RBFOX1: variants seen among roughly 807,000 people sequenced by gnomAD.
RBFOX1 encodes RNA binding fox-1 homolog 1, also known as RNA binding protein fox-1 homolog 1.
In RBFOX1, 8 loss-of-function variants were observed where a neutral mutation model predicts 57.7. That is an observed-to-expected ratio of 0.14 (90% CI 0.08 to 0.25). RBFOX1 has a LOEUF of 0.25. Among genes scored for constraint, RBFOX1 ranks in the 10% least tolerant of loss-of-function variants. The pLI, the probability that RBFOX1 is intolerant of heterozygous loss-of-function variation, is 1.00. For missense variants in RBFOX1, 611 were observed against 548.5 expected (o/e 1.11, Z -1.14); for synonymous variants, 326 against 222.4 (o/e 1.47, Z -4.15).
At chr16:5,883,555 G>A (rs1597627934) in intron 4 of RBFOX1, among the ~76,000 whole-genome samples, 1 of 152,008 alleles carries the variant, frequency 6.6e-6, no homozygotes, top group South Asian at 2.1e-4. Context: ...TGCTCTAATT[G>A]TTTTGAGTGA....
chr16:7,482,829 C>T (rs1243594349), intron 4 of RBFOX1, among the ~76,000 whole-genome samples: 1 of 152,040 alleles, frequency 6.6e-6, no homozygotes, highest in Non-Finnish European at 1.5e-5. Flanking sequence ...ATGTTCTGTC[C>T]CCAAATCCTG....
intron 2 of RBFOX1, among the ~76,000 whole-genome samples, chr16:6,347,059 T>C (rs1252809824): frequency 6.6e-6 from 1 of 152,170 alleles, no homozygotes; most frequent in Non-Finnish European, 1.5e-5. Flanking sequence ...AAGGCAAGGA[T>C]ATTGGGCTGA....
chr16:7,095,108 CT>C (rs1486257061), intron 4 of RBFOX1, among the ~76,000 whole-genome samples: 1 of 151,932 alleles, frequency 6.6e-6, no homozygotes, highest in Non-Finnish European at 1.5e-5. Flanking sequence ...TTCTTTCTTT[CT>C]TTCTTTTTTC....
At chr16:6,651,912 C>T (rs555755319) in intron 2 of RBFOX1, among the ~76,000 whole-genome samples, 1 of 152,138 alleles carries the variant, frequency 6.6e-6, no homozygotes, top group African/African-American at 2.4e-5. Context: ...CTAACACATG[C>T]TACCACATGG....
Position 6,780,842 on chromosome 16 carries a change from G to C in RBFOX1, c.-16+126192G>C, listed in dbSNP as rs571425380. ...TGCTCATTTTTATTTGGATTATTTG[G>C]GTTGGGGTTTTGTACCAAGTTGTTT... On this transcript the variant is annotated intron_variant, in intron 3 of 15. Coordinates refer to ENST00000550418, the MANE Select transcript of RBFOX1 (RefSeq NM_018723.4). Among the ~76,000 whole-genome samples, 4 of 151,834 alleles carry C rather than the reference G, an allele frequency of 2.6e-5. No homozygotes were observed. In the South Asian group the frequency reaches 8.3e-4, roughly 32 times the overall value.
At chr16:5,786,237 C>G (rs942164775) in intron 3 of RBFOX1, among the ~76,000 whole-genome samples, 5 of 152,188 alleles carry the variant, frequency 3.3e-5, no homozygotes, top group Non-Finnish European at 7.3e-5. Context: ...GACTTCTCTA[C>G]TCCTTCCTCT....
chr16:5,382,223 C>G (rs1007480973), intron 1 of RBFOX1, among the ~76,000 whole-genome samples: 1 of 152,196 alleles, frequency 6.6e-6, no homozygotes, highest in Non-Finnish European at 1.5e-5. Context: ...AACATTGTCT[C>G]TAATGCTGTG....
At chr16:7,240,538 T>TTTTG (rs572945669) in intron 4 of RBFOX1, among the ~76,000 whole-genome samples, 3 of 152,134 alleles carry the variant, frequency 2.0e-5, no homozygotes, top group South Asian at 2.1e-4. Context: ...TCGTGGTGTT[T>TTTTG]TTTGTTTGTT....
At chr16:7,216,221 T>C (rs1567744553) in intron 4 of RBFOX1, among the ~76,000 whole-genome samples, 1 of 152,218 alleles carries the variant, frequency 6.6e-6, no homozygotes, top group Non-Finnish European at 1.5e-5. Flanking sequence ...TTGGCTATTG[T>C]GAATCATGCC....
chr16:7,124,911 C>G (rs2068104730), intron 4 of RBFOX1, among the ~76,000 whole-genome samples: 1 of 152,166 alleles, frequency 6.6e-6, no homozygotes, highest in East Asian at 1.9e-4. Flanking sequence ...GCGTTATGAG[C>G]TAATTAAAAT....
chr16:6,773,906 C>T (rs1372188717), intron 3 of RBFOX1: 2 of 968,704 alleles, frequency 2.1e-6, no homozygotes, highest in Admixed American at 6.2e-5. Flanking sequence ...GCATGGAGTG[C>T]ATTTGCGTTG....
intron 10 of RBFOX1, among the ~76,000 whole-genome samples, chr16:7,624,903 G>A (rs1383068159): frequency 6.6e-6 from 1 of 152,326 alleles, no homozygotes; most frequent in South Asian, 2.1e-4. Context: ...GTGAACACAC[G>A]TGGAGTGGTT....
chr16:6,836,463 G>C (rs1300501913), intron 3 of RBFOX1, among the ~76,000 whole-genome samples: 5 of 152,180 alleles, frequency 3.3e-5, no homozygotes, highest in African/African-American at 1.2e-4. Flanking sequence ...GCTTAGCTCT[G>C]TGCAGAGGTA....
chr16:5,281,280 G>A (rs2063265498), intron 1 of RBFOX1, among the ~76,000 whole-genome samples: 1 of 152,002 alleles, frequency 6.6e-6, no homozygotes. Context: ...TTCCATTGTG[G>A]TCTGAGAAGA....
At chr16:6,299,651 C>T (rs2078568048) in intron 1 of RBFOX1, among the ~76,000 whole-genome samples, 1 of 152,154 alleles carries the variant, frequency 6.6e-6, no homozygotes, top group Non-Finnish European at 1.5e-5. Context: ...AAGTCATTCC[C>T]CTTCTCAGAG....
intron 4 of RBFOX1, among the ~76,000 whole-genome samples, chr16:7,397,568 A>T (rs118016592): frequency 6.6e-6 from 1 of 152,158 alleles, no homozygotes; most frequent in Admixed American, 6.5e-5. Flanking sequence ...GTCAGTACCA[A>T]AGAGTCAGAA....
At chr16:5,966,373 T>C (rs1356638572) in intron 4 of RBFOX1, among the ~76,000 whole-genome samples, 1 of 152,184 alleles carries the variant, frequency 6.6e-6, no homozygotes, top group Admixed American at 6.5e-5. Flanking sequence ...CTTTTGCTCA[T>C]GGCAGAAGGC....
At chr16:5,244,561 A>G (rs987364930) in intron 1 of RBFOX1, among the ~76,000 whole-genome samples, 8 of 152,238 alleles carry the variant, frequency 5.3e-5, no homozygotes, top group African/African-American at 1.9e-4. Flanking sequence ...CAGCTGGACT[A>G]CAGAGGCTGA....
intron 4 of RBFOX1, among the ~76,000 whole-genome samples, chr16:5,959,428 C>A (rs1344162504): frequency 1.3e-5 from 2 of 152,188 alleles, no homozygotes; most frequent in Non-Finnish European, 2.9e-5. Context: ...ACACGTCATT[C>A]CATTGACCTA....
Sources: allele counts gnomAD v4.1 joint callset (sites outside exome capture counted in the v4.1 genomes callset), GRCh38; gene constraint gnomAD v4.1.1; transcripts MANE v1.5; gene names NCBI Gene and HGNC (gene_info 2026-07-23, HGNC 2026-07-21).